Variants in GRID2 observed in about 807,000 individuals in gnomAD.
GRID2 encodes glutamate receptor ionotropic, delta-2.
Under a neutral mutation model 114.8 loss-of-function variants are expected in GRID2, and 33 were observed. That is an observed-to-expected ratio of 0.29 (90% CI 0.22 to 0.38). GRID2 has a LOEUF of 0.38. Among genes scored for constraint, GRID2 ranks in the 10% least tolerant of loss-of-function variants. The pLI, the probability that GRID2 is intolerant of heterozygous loss-of-function variation, is 1.00. For synonymous variants in GRID2, 505 were observed against 449.9 expected, an observed-to-expected ratio of 1.12 and a Z score of -1.55; for missense variants, 1,184 against 1,257.7, an observed-to-expected ratio of 0.94 and a Z score of 0.89.
At chr4:92,448,778 G>T (rs1397073516) in intron 1 of GRID2, among the ~76,000 whole-genome samples, 4 of 151,912 alleles carry the variant, frequency 2.6e-5, no homozygotes, top group African/African-American at 9.7e-5. Flanking sequence ...TGGGTAAAAA[G>T]CATAAACACA....
chr4:92,554,300 G>A (rs1726745224), intron 1 of GRID2, among the ~76,000 whole-genome samples: 1 of 152,106 alleles, frequency 6.6e-6, no homozygotes, highest in Non-Finnish European at 1.5e-5. Context: ...GAGAAATCGA[G>A]TAATATGATT....
intron 14 of GRID2, among the ~76,000 whole-genome samples, chr4:93,687,944 A>C (rs1420791929): frequency 1.3e-5 from 2 of 152,006 alleles, no homozygotes; most frequent in Non-Finnish European, 2.9e-5. Context: ...GCCAAGGAGA[A>C]AAGTCCTTCA....
At chr4:93,763,006 G>A (rs973583825) in intron 14 of GRID2, among the ~76,000 whole-genome samples, 1 of 152,118 alleles carries the variant, frequency 6.6e-6, no homozygotes, top group African/African-American at 2.4e-5. Context: ...GAGCCCATAA[G>A]CCCTACATTA....
Position 92,613,715 on chromosome 4 carries a change from G to A in GRID2, c.244+23429G>A, listed in dbSNP as rs550927166. Among the ~76,000 whole-genome samples the A allele has an allele frequency of 9.9e-5, 15 of 151,424 alleles. No homozygotes were observed. In the South Asian group the frequency reaches 2.9e-3, roughly 29 times the overall value. On this transcript the variant is annotated intron_variant, in intron 2 of 15. Transcript: ENST00000282020. ...TTTTTTTTATAATCCTGTCTTGTTG[G>A]TAGAGAGGTTCTCTTTCATTCCAGA...
At chr4:93,291,369 G>C (rs896828476) in intron 8 of GRID2, among the ~76,000 whole-genome samples, 13 of 152,238 alleles carry the variant, frequency 8.5e-5, no homozygotes, top group Non-Finnish European at 1.9e-4. Context: ...GTTTGGGCAA[G>C]TTATTTAGCA....
chr4:92,734,989 G>A (rs990736681), intron 2 of GRID2, among the ~76,000 whole-genome samples: 1 of 151,566 alleles, frequency 6.6e-6, no homozygotes, highest in African/African-American at 2.4e-5. Context: ...ATGTTGCCCA[G>A]GCTGGTCTTG....
At chr4:92,738,558 A>C (rs1168902308) in intron 2 of GRID2, among the ~76,000 whole-genome samples, 2 of 152,170 alleles carry the variant, frequency 1.3e-5, no homozygotes, top group African/African-American at 4.8e-5. Context: ...AACAATAAAA[A>C]ATTAATGTTT....
intron 1 of GRID2, among the ~76,000 whole-genome samples, chr4:92,420,884 C>T (rs1214643962): frequency 6.6e-6 from 1 of 152,028 alleles, no homozygotes; most frequent in African/African-American, 2.4e-5. Flanking sequence ...AGTGTTTTCA[C>T]GTGTTGTCCA....
At chr4:92,781,259 C>T (rs921178050) in intron 2 of GRID2, among the ~76,000 whole-genome samples, 1 of 151,810 alleles carries the variant, frequency 6.6e-6, no homozygotes, top group Non-Finnish European at 1.5e-5. Flanking sequence ...AAAACAAAAA[C>T]AAAAACATAA....
intron 8 of GRID2, among the ~76,000 whole-genome samples, chr4:93,252,714 C>T (rs1228655575): frequency 2.0e-5 from 3 of 151,992 alleles, no homozygotes; most frequent in Non-Finnish European, 4.4e-5. Context: ...GAATGTTTTT[C>T]CATTTATTTG....
At chr4:93,184,153 G>A (rs1297386742) in intron 4 of GRID2, among the ~76,000 whole-genome samples, 1 of 152,112 alleles carries the variant, frequency 6.6e-6, no homozygotes, top group African/African-American at 2.4e-5. Flanking sequence ...GGGAAAAACT[G>A]TTAAACAGAA....
At chr4:92,958,214 T>C (rs779019121) in intron 2 of GRID2, among the ~76,000 whole-genome samples, 85 of 152,082 alleles carry the variant, frequency 5.6e-4, no homozygotes, top group Admixed American at 2.0e-4. Flanking sequence ...TAACCTTGCC[T>C]ACTTCCTGAT....
At chr4:92,607,203 C>G (rs1388423899) in intron 2 of GRID2, among the ~76,000 whole-genome samples, 2 of 151,688 alleles carry the variant, frequency 1.3e-5, no homozygotes, top group Non-Finnish European at 2.9e-5. Context: ...TAATGGAACA[C>G]TAGGCATAAG....
chr4:92,661,121 G>A (rs1193093266), intron 2 of GRID2, among the ~76,000 whole-genome samples: 1 of 150,672 alleles, frequency 6.6e-6, no homozygotes, highest in Non-Finnish European at 1.5e-5. Flanking sequence ...TATTCGCATT[G>A]CTAACAACAC....
intron 2 of GRID2, among the ~76,000 whole-genome samples, chr4:92,854,550 A>G (rs901713765): frequency 2.6e-5 from 4 of 150,956 alleles, no homozygotes; most frequent in African/African-American, 7.3e-5. Flanking sequence ...TGTGTGAGTG[A>G]GGATGTGTGT....
intron 13 of GRID2, among the ~76,000 whole-genome samples, chr4:93,551,485 GA>G (rs138492236): frequency 0.07 from 10,606 of 152,144 alleles, 455 homozygotes; most frequent in African/African-American, 0.12. Flanking sequence ...GATATTTAGG[GA>G]AAGCAAGCCA....
At chr4:92,462,535 A>T (rs1365749260) in intron 1 of GRID2, among the ~76,000 whole-genome samples, 1 of 151,984 alleles carries the variant, frequency 6.6e-6, no homozygotes, top group Non-Finnish European at 1.5e-5. Flanking sequence ...GTCACTATTT[A>T]AAAATATTTT....
intron 3 of GRID2, among the ~76,000 whole-genome samples, chr4:93,090,998 G>A (rs1730739663): frequency 6.6e-6 from 1 of 152,166 alleles, no homozygotes; most frequent in Admixed American, 6.6e-5. Flanking sequence ...CCAGGGGTCA[G>A]CAAACTACTG....
intron 2 of GRID2, among the ~76,000 whole-genome samples, chr4:92,944,792 T>A (rs1751493154): frequency 6.6e-6 from 1 of 152,212 alleles, no homozygotes; most frequent in East Asian, 1.9e-4. Flanking sequence ...TTTTTTCCTA[T>A]AGTATGTTGG....
Sources: allele counts gnomAD v4.1 joint callset (sites outside exome capture counted in the v4.1 genomes callset), GRCh38; gene constraint gnomAD v4.1.1; transcripts MANE v1.5; gene names NCBI Gene and HGNC (gene_info 2026-07-23, HGNC 2026-07-21).